The following BPGM variants were observed in gnomAD, a reference collection of about 807,000 sequenced individuals.
The protein encoded by BPGM is 2,3-bisphosphoglycerate mutase, erythrocyte.
BPGM carries 15 observed loss-of-function variants against 21.6 expected under a neutral mutation model. The ratio of observed to expected loss-of-function variants is 0.70; its 90% CI spans 0.47 to 1.07. BPGM has a LOEUF of 1.07. BPGM is among the 50% of genes least tolerant of loss of function. The pLI is 0.00. For missense variants in BPGM, 273 were observed against 319.0 expected, an observed-to-expected ratio of 0.86 and a Z score of 1.10; for synonymous variants, 113 against 116.2, an observed-to-expected ratio of 0.97 and a Z score of 0.18.
intron 2 of BPGM, among the ~76,000 whole-genome samples, chr7:134,674,057 C>T (rs970228897): frequency 6.6e-6 from 1 of 151,926 alleles, no homozygotes; most frequent in African/African-American, 2.4e-5. Flanking sequence ...GGATTACAGG[C>T]GTCCACCACC....
Position 134,661,258 on chromosome 7 carries a change from A to G in BPGM, c.-61-189A>G, listed in dbSNP as rs1009822979. ...AAACATCAGAAAATTTAAGTCAACT[A>G]GATTCCCTGTAATGAATTATTAATA... On this transcript the variant is annotated intron_variant, in intron 1 of 2. Transcript: ENST00000344924. This position sits in a 1 kb window ranked among gnomAD's most constrained non-coding sequence, Gnocchi z 4.6. Among the ~76,000 whole-genome samples the G allele has an allele frequency of 7.2e-5, 11 of 152,254 alleles. No individual in the cohort carries two copies. The highest frequency in any genetic ancestry group is 2.4e-4 in the African/African-American group (10 of 41,466).
At chr7:134,654,145 C>CACAT (rs398111915) in intron 1 of BPGM, among the ~76,000 whole-genome samples, 2 of 97,318 alleles carry the variant, frequency 2.1e-5, no homozygotes, top group Admixed American at 9.8e-5. Context: ...CACACACACA[C>CACAT]GTACTGAAGA....
chr7:134,673,869 G>A (rs1368399589), intron 2 of BPGM, among the ~76,000 whole-genome samples: 3 of 150,512 alleles, frequency 2.0e-5, no homozygotes, highest in Non-Finnish European at 4.4e-5. Context: ...TGTGAGTAGA[G>A]CAGGTTTTTA....
chr7:134,654,127 TACACAC>T (rs5887693), intron 1 of BPGM, among the ~76,000 whole-genome samples: 1 of 150,378 alleles, frequency 6.6e-6, no homozygotes, highest in Non-Finnish European at 1.5e-5. Context: ...GAGTTTTAGG[TACACAC>T]ACACACACAC....
rs930581931 is a variant in BPGM, at chr7:134,646,920, C to CTGCTGG, written c.-77_-76insCTGGTG. 1.6e-5 allele frequency: 3 copies of CTGCTGG among 187,028 alleles called. No individual in the cohort carries two copies. Among genetic ancestry groups the CTGCTGG allele is most frequent in the South Asian group, 7.3e-5 (1 of 13,700 alleles). 11.6% of individuals were successfully genotyped at this position (187,028 alleles called of 1,614,324 possible). A position where few individuals can be genotyped will look rare whatever the true frequency, so the allele number is the denominator to read the frequency against. On this transcript the variant is annotated 5_prime_UTR_variant, in exon 1 of 3. Coordinates refer to ENST00000344924, the MANE Select transcript of BPGM (RefSeq NM_001724.5). The stretch of plus-strand genomic sequence containing the variant: ...GCGGCTGCTGCTGCTGCTGCTGCTG[C>CTGCTGG]TGGTGGCCCCTTTGCAGGTGAGTGG...
At chr7:134,647,866 C>A (rs1795485651) in intron 1 of BPGM, among the ~76,000 whole-genome samples, 1 of 152,156 alleles carries the variant, frequency 6.6e-6, no homozygotes, top group Non-Finnish European at 1.5e-5. Context: ...GGCTCGATCT[C>A]GGTTCACTGC....
At position 134,661,363 on chromosome 7, in the gene BPGM, A is replaced by G. The variant is rs1795727181; in HGVS notation, c.-61-84A>G. 8.4e-7 allele frequency: 1 copy of G among 1,192,078 alleles called. No individual in the cohort carries two copies. Among genetic ancestry groups the G allele is most frequent in the Admixed American group, 2.0e-5 (1 of 50,076 alleles). 73.8% of individuals were successfully genotyped at this position (1,192,078 alleles called of 1,614,324 possible). On this transcript the variant is annotated intron_variant, in intron 1 of 2. Transcript: ENST00000344924. The surrounding 1 kb of genome is among the most constrained non-coding windows in gnomAD (Gnocchi z 4.6). Reference sequence around the variant, plus strand: ...GTTCAAAGGGATTTCAGTTTCTTTTAGAAATTGGGTGTTGTAAAGCGATGT... The same window carrying G: ...GTTCAAAGGGATTTCAGTTTCTTTTGGAAATTGGGTGTTGTAAAGCGATGT...
chr7:134,658,141 C>T (rs1050882453), intron 1 of BPGM, among the ~76,000 whole-genome samples: 4 of 152,022 alleles, frequency 2.6e-5, no homozygotes, highest in Admixed American at 6.6e-5. Flanking sequence ...ACCTCAGTTG[C>T]TCAGTATCAC....
intron 2 of BPGM, among the ~76,000 whole-genome samples, chr7:134,667,725 T>C (rs1795841687): frequency 6.6e-6 from 1 of 152,220 alleles, no homozygotes; most frequent in East Asian, 1.9e-4. Flanking sequence ...CCGTGCTTTC[T>C]AGAGATGTTT....
At chr7:134,667,863 G>A in intron 2 of BPGM, among the ~76,000 whole-genome samples, 1 of 152,156 alleles carries the variant, frequency 6.6e-6, no homozygotes, top group East Asian at 1.9e-4. Context: ...GTAACGGATA[G>A]CATCAATGAC....
At chr7:134,658,687 A>C (rs572567721) in intron 1 of BPGM, 1 of 152,348 alleles carries the variant, frequency 6.6e-6, no homozygotes, top group Admixed American at 6.5e-5. Context: ...CCAGCAGTTA[A>C]GTGGGAAAAG....
At chr7:134,654,403 A>G (rs531042491) in intron 1 of BPGM, among the ~76,000 whole-genome samples, 1 of 152,318 alleles carries the variant, frequency 6.6e-6, no homozygotes, top group African/African-American at 2.4e-5. Context: ...TTCAGGGCAT[A>G]GATACAGACT....
intron 1 of BPGM, among the ~76,000 whole-genome samples, chr7:134,657,074 A>G (rs1301634618): frequency 6.6e-6 from 1 of 152,218 alleles, no homozygotes; most frequent in Non-Finnish European, 1.5e-5. Flanking sequence ...CAGTTGTTAC[A>G]CCTTAAAGTT....
intron 1 of BPGM, among the ~76,000 whole-genome samples, chr7:134,648,609 C>T (rs1039257641): frequency 6.6e-6 from 1 of 152,118 alleles, no homozygotes; most frequent in Admixed American, 6.5e-5. Context: ...AAATCAAGAA[C>T]ATTGGCTTTA....
chr7:134,649,474 C>A (rs927336696), intron 1 of BPGM, among the ~76,000 whole-genome samples: 3 of 152,130 alleles, frequency 2.0e-5, no homozygotes, highest in Admixed American at 2.0e-4. Flanking sequence ...ATTCACCTGG[C>A]CTTCATCTTT....
chr7:134,654,079 T>C (rs2131418067), intron 1 of BPGM, among the ~76,000 whole-genome samples: 1 of 152,290 alleles, frequency 6.6e-6, no homozygotes, highest in African/African-American at 2.4e-5. Context: ...CACCTCTCTT[T>C]TACTAATGAA....
Position 134,679,319 on chromosome 7 carries a change from C to A in BPGM, c.*288C>A, listed in dbSNP as rs750413900. 76 of 423,030 alleles carry A rather than the reference C, an allele frequency of 1.8e-4. No individual in the cohort carries two copies. Among genetic ancestry groups the A allele is most frequent in the Non-Finnish European group, 3.2e-4 (75 of 232,004 alleles). 26.2% of individuals were successfully genotyped at this position (423,030 alleles called of 1,614,324 possible). ...ATAAGTTTCTGAGATGGGAGAGCAA[C>A]AAGTAGAGATGAAGTTAAAGGTATT... On this transcript the variant is annotated 3_prime_UTR_variant, in exon 3 of 3. Coordinates refer to ENST00000344924, the MANE Select transcript of BPGM (RefSeq NM_001724.5).
At chr7:134,649,605 ATTAC>A (rs1795524901) in intron 1 of BPGM, among the ~76,000 whole-genome samples, 1 of 152,260 alleles carries the variant, frequency 6.6e-6, no homozygotes, top group African/African-American at 2.4e-5. Flanking sequence ...GACAAAAAGT[ATTAC>A]TTAATAACAA....
At chr7:134,666,624 T>A (rs145480771) in intron 2 of BPGM, among the ~76,000 whole-genome samples, 1 of 152,204 alleles carries the variant, frequency 6.6e-6, no homozygotes, top group African/African-American at 2.4e-5. Context: ...TAGTACCTCC[T>A]GGTGGTACTC....
Sources: gnomAD v4.1 joint callset for allele counts (sites outside exome capture counted in the v4.1 genomes callset) on GRCh38, gnomAD v4.1.1 for gene constraint, Gnocchi (gnomAD v3.1) non-coding constraint, MANE v1.5 for transcripts, NCBI Gene and HGNC (gene_info 2026-07-23, HGNC 2026-07-21) for gene names.